PTDSS1: variants seen among roughly 807,000 people sequenced by gnomAD.
PTDSS1 encodes the protein phosphatidylserine synthase 1, also known as PSS-1.
PTDSS1 carries 45 observed loss-of-function variants against 70.5 expected under a neutral mutation model. The observed-to-expected ratio is 0.64, with a 90% CI of 0.50 to 0.82. The LOEUF is 0.82. Among genes scored for constraint, PTDSS1 ranks in the 40% least tolerant of loss-of-function variants. PTDSS1 has a pLI of 0.00. For missense variants in PTDSS1, 417 were observed against 586.1 expected, an observed-to-expected ratio of 0.71 and a Z score of 2.98; for synonymous variants, 188 against 203.8, an observed-to-expected ratio of 0.92 and a Z score of 0.66.
chr8:96,325,819 T>C (rs1811430790), intron 10 of PTDSS1, among the ~76,000 whole-genome samples: 1 of 152,122 alleles, frequency 6.6e-6, no homozygotes, highest in South Asian at 2.1e-4. Flanking sequence ...ATAAGCAAGA[T>C]AGAGGAAAGT....
chr8:96,265,541 C>T (rs1170829352), intron 1 of PTDSS1, among the ~76,000 whole-genome samples: 1 of 152,116 alleles, frequency 6.6e-6, no homozygotes, highest in Non-Finnish European at 1.5e-5. Context: ...TGAAAAAGCT[C>T]ATTTCCAGCC....
chr8:96,306,376 A>G (rs1232200038), intron 7 of PTDSS1, 68 bp from the exon 8 acceptor site: 5 of 1,096,814 alleles, frequency 4.6e-6, no homozygotes, highest in East Asian at 2.4e-5. Context: ...TAGAATGTCT[A>G]TTTAAGGAAT....
Position 96,320,384 on chromosome 8 carries a change from T to A in PTDSS1, c.1173+39T>A, listed in dbSNP as rs769132404. ...TTTTACCCAAAGGCATTAGCTAAAC[T>A]CTCATAGTATCACTTTAAACGGAGG... On this transcript the variant is annotated intron_variant, in intron 10 of 12. Transcript: ENST00000517309. 5.3e-6 allele frequency: 8 copies of A among 1,500,066 alleles called. No homozygotes were observed. The South Asian group carries it at 9.1e-5, about 17-fold the overall frequency. 92.9% of individuals were successfully genotyped at this position (1,500,066 alleles called of 1,614,324 possible).
At chr8:96,307,450 A>C (rs1586200853) in intron 8 of PTDSS1, among the ~76,000 whole-genome samples, 1 of 32,780 alleles carries the variant, frequency 3.1e-5, no homozygotes, top group South Asian at 8.0e-4. Context: ...CAATATTACC[A>C]AAAAAAAAAA....
rs370625431 is a variant in PTDSS1, at chr8:96,295,262, A to G, written c.600+6A>G. On this transcript the variant is annotated splice_donor_region_variant and intron_variant, in intron 5 of 12. Transcript: ENST00000517309. ...TTACCTGGGAGCTGACTGAGGTAAG[A>G]AGGAGGGCATTGGGGGTTCCCCAGA... 113 of 1,612,404 alleles carry G rather than the reference A, an allele frequency of 7.0e-5. No individual in the cohort carries two copies. In the African/African-American group the frequency reaches 1.3e-3, roughly 18 times the overall value.
At chr8:96,277,609 A>C (rs961276069) in intron 2 of PTDSS1, among the ~76,000 whole-genome samples, 3 of 152,244 alleles carry the variant, frequency 2.0e-5, no homozygotes, top group Non-Finnish European at 4.4e-5. Flanking sequence ...AGTGGATAGC[A>C]TGTCCGGAAA....
Position 96,325,514 on chromosome 8 carries a change from C to A in PTDSS1, c.1174-4699C>A, listed in dbSNP as rs115670114. Among the ~76,000 whole-genome samples the A allele has an allele frequency of 7.2e-3, 1,096 of 152,266 alleles. 19 individuals are homozygous for A. The highest frequency in any genetic ancestry group is 0.025 in the African/African-American group (1,027 of 41,552). ...CAGGCCCCAGCTAAAAACCTGGAGGCTGCTTCCTGTCCTCCATCACTCTTC... is the reference window on the plus strand; with the variant it reads ...CAGGCCCCAGCTAAAAACCTGGAGGATGCTTCCTGTCCTCCATCACTCTTC... On this transcript the variant is annotated intron_variant, in intron 10 of 12. Coordinates refer to ENST00000517309, the MANE Select transcript of PTDSS1 (RefSeq NM_014754.3).
At chr8:96,296,908 T>C (rs1425831982) in intron 5 of PTDSS1, among the ~76,000 whole-genome samples, 1 of 152,220 alleles carries the variant, frequency 6.6e-6, no homozygotes, top group African/African-American at 2.4e-5. Context: ...CCTCGCTTGC[T>C]TCCCCCTTGC....
At chr8:96,303,537 C>G (rs1384095779) in intron 6 of PTDSS1, among the ~76,000 whole-genome samples, 1 of 152,128 alleles carries the variant, frequency 6.6e-6, no homozygotes, top group East Asian at 1.9e-4. Flanking sequence ...GAATCTGCAC[C>G]CACTCCTCAT....
At chr8:96,326,408 C>T (rs529704784) in intron 10 of PTDSS1, among the ~76,000 whole-genome samples, 2 of 152,268 alleles carry the variant, frequency 1.3e-5, no homozygotes, top group South Asian at 4.1e-4. Context: ...ACTCCTTGCT[C>T]AGAGAGAATA....
At chr8:96,263,744 T>C (rs1021406923) in intron 1 of PTDSS1, among the ~76,000 whole-genome samples, 4 of 152,186 alleles carry the variant, frequency 2.6e-5, no homozygotes, top group Non-Finnish European at 5.9e-5. Flanking sequence ...AAATGTATTG[T>C]GACATATGTG....
Position 96,333,524 on chromosome 8 carries a change from G to C in PTDSS1, c.1380G>C (p.Arg460=), listed in dbSNP as rs779960708. 1 of 1,613,984 alleles carries C rather than the reference G, an allele frequency of 6.2e-7. No individual in the cohort carries two copies. The highest frequency in any genetic ancestry group is 1.7e-5 in the Admixed American group (1 of 60,020). Residue 460 remains arginine (R), a synonymous_variant, in exon 13 of 13, where the codon CGG becomes CGC. Coordinates refer to ENST00000517309, the MANE Select transcript of PTDSS1 (RefSeq NM_014754.3). ...NESHSSRRRN[R]HSKSKVTNGV... ...GCCATTCTTCCAGGAGAAGGAATCG[G>C]CATTCCAAGTCAAAAGTCACCAATG... is the stretch of plus-strand genomic sequence containing the variant.
chr8:96,270,614 A>T (rs1810552329), intron 1 of PTDSS1, among the ~76,000 whole-genome samples: 1 of 152,070 alleles, frequency 6.6e-6, no homozygotes, highest in African/African-American at 2.4e-5. Context: ...GTCTGATAGG[A>T]CTCACATGGC....
In PTDSS1 at chr8:96,262,943, A is replaced by G. The variant is rs558875622; in HGVS notation, c.179+724A>G. Among the ~76,000 whole-genome samples the G allele has an allele frequency of 1.3e-5, 2 of 152,242 alleles. No homozygotes were observed. The highest frequency in any genetic ancestry group is 2.9e-5 in the Non-Finnish European group (2 of 68,018). Reference sequence around the variant, plus strand: ...AGCCCAATACCCATCATCTGTGTACATGGCTGCACAGACACCAGCCCGCCA... The same window carrying G: ...AGCCCAATACCCATCATCTGTGTACGTGGCTGCACAGACACCAGCCCGCCA... On this transcript the variant is annotated intron_variant, in intron 1 of 12. Coordinates refer to ENST00000517309, the MANE Select transcript of PTDSS1 (RefSeq NM_014754.3). This position sits in a 1 kb window ranked among gnomAD's most constrained non-coding sequence, Gnocchi z 4.4.
chr8:96,331,115 T>C lies in PTDSS1; in HGVS notation c.1312+20T>C. ...CAAAAGGTATCTTGTTCTTGTTCGT[T>C]GTTTAAAATTTTACTGGGTCCTTGA... On this transcript the variant is annotated intron_variant, in intron 12 of 12. Transcript: ENST00000517309. The C allele has an allele frequency of 6.5e-7, 1 of 1,547,322 alleles. No individual in the cohort carries two copies.
intron 4 of PTDSS1, among the ~76,000 whole-genome samples, chr8:96,292,402 G>T (rs1230365146): frequency 1.1e-4 from 16 of 151,972 alleles, no homozygotes; most frequent in African/African-American, 3.9e-4. Flanking sequence ...AAAAAGACGT[G>T]TCATAGATTC....
At chr8:96,291,069 T>G (rs1016595573) in intron 4 of PTDSS1, among the ~76,000 whole-genome samples, 1 of 152,032 alleles carries the variant, frequency 6.6e-6, no homozygotes, top group Non-Finnish European at 1.5e-5. Flanking sequence ...GCTTCAATAC[T>G]GGGTTGTCTT....
intron 1 of PTDSS1, among the ~76,000 whole-genome samples, chr8:96,263,351 C>G (rs938581760): frequency 6.6e-6 from 1 of 152,150 alleles, no homozygotes; most frequent in Non-Finnish European, 1.5e-5. Context: ...GAAGTCACAC[C>G]TCTCTCACCA....
At chr8:96,329,249 C>G (rs890176787) in intron 10 of PTDSS1, among the ~76,000 whole-genome samples, 6 of 152,146 alleles carry the variant, frequency 3.9e-5, no homozygotes, top group African/African-American at 1.2e-4. Flanking sequence ...GCCAGGATGG[C>G]TTGATGTGAA....
Sources: allele counts gnomAD v4.1 joint callset (sites outside exome capture counted in the v4.1 genomes callset), GRCh38; gene constraint gnomAD v4.1.1; non-coding constraint Gnocchi (gnomAD v3.1); transcripts MANE v1.5; gene names NCBI Gene and HGNC (gene_info 2026-07-23, HGNC 2026-07-21).